The following KANK1 variants were observed in gnomAD, a reference collection of about 807,000 sequenced individuals.
KANK1 encodes KN motif and ankyrin repeat domains 1.
A neutral mutation model predicts 106.2 loss-of-function variants in KANK1; 109 were observed. The ratio of observed to expected loss-of-function variants is 1.03; its 90% CI spans 0.88 to 1.20. The LOEUF (loss-of-function observed/expected upper bound fraction) is 1.20, where lower values mean the gene tolerates loss of function less well. Among genes scored for constraint, KANK1 ranks in the 50% most tolerant of loss-of-function variants. The pLI is 0.00. For synonymous variants in KANK1, 873 were observed against 652.2 expected, an observed-to-expected ratio of 1.34 and a Z score of -5.16; for missense variants, 2,399 against 1,710.7, an observed-to-expected ratio of 1.40 and a Z score of -7.10.
rs57776331 is a variant in KANK1, at chr9:543,559, CAAAA to C, written c.-84+38822_-84+38825del. Among the ~76,000 whole-genome samples the C allele has an allele frequency of 2.7e-3, 331 of 120,448 alleles. 1 individual carries two copies. Among genetic ancestry groups the C allele is most frequent in the Admixed American group, 0.013 (167 of 12,408 alleles). 79.0% of individuals were successfully genotyped at this position (120,448 alleles called of 152,430 possible). On this transcript the variant is annotated intron_variant, in intron 1 of 11. Coordinates refer to ENST00000382297, the MANE Select transcript of KANK1 (RefSeq NM_015158.5). ...GGGCAACAAGAGTGAAACTCTGTCTCAAAAAAAAAAAAAAAAAAAATTGAAAATC... is the reference window on the plus strand; with the variant it reads ...GGGCAACAAGAGTGAAACTCTGTCTCAAAAAAAAAAAAAAAATTGAAAATC...
At chr9:686,872 G>A in intron 2 of KANK1, 4 of 985,280 alleles carry the variant, frequency 4.1e-6, no homozygotes, top group Non-Finnish European at 3.6e-6. Flanking sequence ...CAACACCTCA[G>A]GACACTGATT....
At chr9:475,745 G>A (rs1030504107) in intron 3 of KANK1, among the ~76,000 whole-genome samples, 1 of 152,110 alleles carries the variant, frequency 6.6e-6, no homozygotes, top group South Asian at 2.1e-4. Flanking sequence ...TCCTTTGTAG[G>A]GGAAAATTTG....
At chr9:507,135 T>C (rs948004557) in intron 1 of KANK1, among the ~76,000 whole-genome samples, 3 of 103,104 alleles carry the variant, frequency 2.9e-5, no homozygotes, top group Non-Finnish European at 5.6e-5. Context: ...TATGCCATCT[T>C]TTTTTTTTTT....
At chr9:648,225 A>G (rs765685920) in intron 1 of KANK1, among the ~76,000 whole-genome samples, 2 of 143,102 alleles carry the variant, frequency 1.4e-5, no homozygotes, top group African/African-American at 3.0e-5. Context: ...GATGGTCTCA[A>G]TCTCTTGACC....
chr9:558,476 T>G (rs1217533820), intron 1 of KANK1, among the ~76,000 whole-genome samples: 1 of 152,224 alleles, frequency 6.6e-6, no homozygotes, highest in African/African-American at 2.4e-5. Flanking sequence ...TGTTTCTGTT[T>G]AAAGATACCT....
intron 1 of KANK1, among the ~76,000 whole-genome samples, chr9:588,461 GTTAA>G (rs1184245259): frequency 2.0e-5 from 3 of 152,046 alleles, no homozygotes; most frequent in Non-Finnish European, 4.4e-5. Flanking sequence ...GATGTATTCT[GTTAA>G]TTTACTCTGT....
At chr9:627,844 G>A (rs552815201) in intron 1 of KANK1, among the ~76,000 whole-genome samples, 3 of 152,070 alleles carry the variant, frequency 2.0e-5, no homozygotes, top group Non-Finnish European at 4.4e-5. Flanking sequence ...GGAATTTTAG[G>A]CCAAATAGGG....
At chr9:636,104 G>A (rs572927574) in intron 1 of KANK1, among the ~76,000 whole-genome samples, 1 of 152,292 alleles carries the variant, frequency 6.6e-6, no homozygotes, top group Admixed American at 6.5e-5. Flanking sequence ...TATTGGAGGA[G>A]CTTTCAAACA....
chr9:717,981 C>G (rs553044347), intron 3 of KANK1, among the ~76,000 whole-genome samples: 1 of 146,662 alleles, frequency 6.8e-6, no homozygotes, highest in African/African-American at 2.8e-5. Flanking sequence ...TATCTTAGTT[C>G]ATCAAAAGTT....
intron 1 of KANK1, among the ~76,000 whole-genome samples, chr9:644,306 G>T (rs1839176114): frequency 2.0e-5 from 3 of 150,940 alleles, no homozygotes; most frequent in Admixed American, 2.0e-4. Flanking sequence ...AGTCAAGATG[G>T]TGACTACCTA....
At chr9:490,071 C>A (rs10758655) in intron 3 of KANK1, among the ~76,000 whole-genome samples, 51,481 of 152,090 alleles carry the variant, frequency 0.34, 12,433 homozygotes, top group African/African-American at 0.68. Context: ...GGGTCACTCT[C>A]TGGGGAAATA....
intron 3 of KANK1, among the ~76,000 whole-genome samples, chr9:717,307 GAAATT>G (rs1827991734): frequency 6.6e-6 from 1 of 152,036 alleles, no homozygotes; most frequent in Non-Finnish European, 1.5e-5. Context: ...AAAGGAAAAA[GAAATT>G]AAAAGTTCAG....
At chr9:498,781 G>A (rs1160315266) in intron 3 of KANK1, among the ~76,000 whole-genome samples, 2 of 152,204 alleles carry the variant, frequency 1.3e-5, no homozygotes, top group Non-Finnish European at 2.9e-5. Flanking sequence ...AACAACAACT[G>A]TTGGCAAAGA....
chr9:518,749 G>A (rs2059411807), intron 1 of KANK1, among the ~76,000 whole-genome samples: 1 of 151,516 alleles, frequency 6.6e-6, no homozygotes, highest in Non-Finnish European at 1.5e-5. Context: ...AAAGGGCGGT[G>A]ACCCTGTATG....
intron 2 of KANK1, among the ~76,000 whole-genome samples, chr9:692,066 G>A (rs1820076106): frequency 6.6e-6 from 1 of 150,830 alleles, no homozygotes; most frequent in Non-Finnish European, 1.5e-5. Flanking sequence ...AAAGATGACG[G>A]ATGACTCTAA....
At chr9:575,620 A>G (rs1386120003) in intron 1 of KANK1, among the ~76,000 whole-genome samples, 2 of 151,994 alleles carry the variant, frequency 1.3e-5, no homozygotes, top group East Asian at 3.9e-4. Context: ...GCAGTTAGCC[A>G]TGATCATGTC....
chr9:730,027 C>A (rs1183241746), intron 3 of KANK1, 24 bp from the exon 4 acceptor site: 4 of 1,604,866 alleles, frequency 2.5e-6, no homozygotes, highest in African/African-American at 2.7e-5. Flanking sequence ...ATCACACACT[C>A]TGTACCTTTC....
intron 1 of KANK1, among the ~76,000 whole-genome samples, chr9:576,967 G>A (rs528265966): frequency 6.6e-6 from 1 of 152,182 alleles, no homozygotes; most frequent in African/African-American, 2.4e-5. Context: ...AAGATGGTGT[G>A]TCCGGAGTTT....
At chr9:656,190 C>T (rs1316241332) in intron 1 of KANK1, among the ~76,000 whole-genome samples, 2 of 152,196 alleles carry the variant, frequency 1.3e-5, no homozygotes, top group African/African-American at 4.8e-5. Flanking sequence ...AGCCTTTTAT[C>T]TGGCAGGTCC....
Sources: gnomAD v4.1 joint callset for allele counts (sites outside exome capture counted in the v4.1 genomes callset) on GRCh38, gnomAD v4.1.1 for gene constraint, MANE v1.5 for transcripts, NCBI Gene and HGNC (gene_info 2026-07-23, HGNC 2026-07-21) for gene names.